SPAG16: variants seen among roughly 807,000 people sequenced by gnomAD.
SPAG16 encodes the protein sperm associated antigen 16.
Under a neutral mutation model 80.4 loss-of-function variants are expected in SPAG16, and 86 were observed. The observed-to-expected ratio is 1.07, with a 90% confidence interval of 0.90 to 1.28. The LOEUF is 1.28. Ranked by LOEUF, SPAG16 falls within the 50% of genes most tolerant of loss-of-function variation. The pLI, the probability that SPAG16 is intolerant of heterozygous loss-of-function variation, is 0.00. For synonymous variants in SPAG16, 294 were observed against 265.9 expected, an observed-to-expected ratio of 1.11 and a Z score of -1.03; for missense variants, 870 against 765.3, an observed-to-expected ratio of 1.14 and a Z score of -1.61.
intron 11 of SPAG16, among the ~76,000 whole-genome samples, chr2:213,908,264 G>T (rs561227580): frequency 1.3e-5 from 2 of 152,156 alleles, no homozygotes; most frequent in Admixed American, 6.6e-5. Context: ...CTGGCACAAG[G>T]CATGGGAGAC....
chr2:213,721,351 G>A (rs760419852), intron 10 of SPAG16, among the ~76,000 whole-genome samples: 2 of 149,710 alleles, frequency 1.3e-5, no homozygotes, highest in Non-Finnish European at 3.0e-5. Context: ...TGCACACTTC[G>A]GCCTCCCAAA....
intron 15 of SPAG16, among the ~76,000 whole-genome samples, chr2:214,349,893 A>T (rs2126046448): frequency 1.3e-5 from 2 of 152,306 alleles, no homozygotes; most frequent in East Asian, 3.9e-4. Context: ...AAGTGTCTGC[A>T]CCAATATTTT....
intron 10 of SPAG16, among the ~76,000 whole-genome samples, chr2:213,589,575 C>A (rs2060605810): frequency 1.3e-5 from 2 of 152,044 alleles, no homozygotes; most frequent in South Asian, 4.1e-4. Context: ...GGGTAGGGCC[C>A]ACTCCCATCA....
chr2:213,665,342 T>C (rs1324058956), intron 10 of SPAG16, among the ~76,000 whole-genome samples: 1 of 152,098 alleles, frequency 6.6e-6, no homozygotes, highest in East Asian at 1.9e-4. Flanking sequence ...TTAATAGCTA[T>C]TATGATATTA....
chr2:213,748,982 A>T (rs958562985), intron 10 of SPAG16, among the ~76,000 whole-genome samples: 9 of 152,196 alleles, frequency 5.9e-5, no homozygotes, highest in African/African-American at 2.2e-4. Flanking sequence ...CCCTGTCTCT[A>T]TTAAAAATAC....
At chr2:213,330,994 C>T (rs2124862442) in intron 5 of SPAG16, among the ~76,000 whole-genome samples, 1 of 152,300 alleles carries the variant, frequency 6.6e-6, no homozygotes, top group East Asian at 1.9e-4. Context: ...GCCTCCCCTG[C>T]CATGTGGAAC....
chr2:213,839,138 T>A (rs2074243850), intron 10 of SPAG16, among the ~76,000 whole-genome samples: 1 of 152,238 alleles, frequency 6.6e-6, no homozygotes, highest in Admixed American at 6.5e-5. Flanking sequence ...TTCTGTAAGA[T>A]GGATTTGTTA....
At chr2:213,554,987 A>G (rs1186919842) in intron 10 of SPAG16, among the ~76,000 whole-genome samples, 1 of 152,108 alleles carries the variant, frequency 6.6e-6, no homozygotes, top group Non-Finnish European at 1.5e-5. Context: ...ATTCAGGTAC[A>G]AGAAGGTCCA....
chr2:213,829,864 A>G (rs1049020978), intron 10 of SPAG16, among the ~76,000 whole-genome samples: 1 of 151,926 alleles, frequency 6.6e-6, no homozygotes, highest in African/African-American at 2.4e-5. Flanking sequence ...TGCGGCTGAG[A>G]TGGTATCCAA....
At chr2:214,117,901 A>C (rs985224318) in intron 14 of SPAG16, among the ~76,000 whole-genome samples, 3 of 152,190 alleles carry the variant, frequency 2.0e-5, no homozygotes, top group African/African-American at 7.2e-5. Flanking sequence ...CATCATACTA[A>C]ATAGGGAAAA....
At chr2:213,678,067 C>G (rs1340935630) in intron 10 of SPAG16, among the ~76,000 whole-genome samples, 2 of 150,338 alleles carry the variant, frequency 1.3e-5, no homozygotes, top group African/African-American at 4.9e-5. Flanking sequence ...TCTTTGAAAC[C>G]AAGGAGAACA....
At chr2:213,810,864 T>C (rs773289354) in intron 10 of SPAG16, among the ~76,000 whole-genome samples, 3 of 152,148 alleles carry the variant, frequency 2.0e-5, no homozygotes, top group Non-Finnish European at 4.4e-5. Context: ...AGATAATATT[T>C]CAAAGTTGTG....
chr2:213,451,226 CA>C (rs2071668804), intron 9 of SPAG16, among the ~76,000 whole-genome samples: 1 of 152,080 alleles, frequency 6.6e-6, no homozygotes, highest in Admixed American at 6.5e-5. Flanking sequence ...ATTTCAAAAA[CA>C]AAAAACAACA....
In SPAG16 at chr2:213,618,774, G is replaced by A. The variant is rs902935091; in HGVS notation, c.1070+128684G>A. On this transcript the variant is annotated intron_variant, in intron 10 of 15. Transcript: ENST00000331683. ...TTAAAAAAAGGAAAAGTCACAAGGTGGATTAGGTTGCTAGACCTTAAAACA... is the reference window on the plus strand; with the variant it reads ...TTAAAAAAAGGAAAAGTCACAAGGTAGATTAGGTTGCTAGACCTTAAAACA... 4.0e-5 allele frequency among the ~76,000 whole-genome samples: 6 copies of A among 151,516 alleles called. No individual in the cohort carries two copies. The East Asian group carries it at 7.7e-4, about 20-fold the overall frequency.
At chr2:214,099,334 T>C (rs957189087) in intron 13 of SPAG16, among the ~76,000 whole-genome samples, 1 of 152,140 alleles carries the variant, frequency 6.6e-6, no homozygotes, top group African/African-American at 2.4e-5. Flanking sequence ...ATTATGTTAA[T>C]TGCTTTACAT....
At chr2:214,184,085 C>A (rs1576443083) in intron 15 of SPAG16, among the ~76,000 whole-genome samples, 1 of 152,094 alleles carries the variant, frequency 6.6e-6, no homozygotes, top group East Asian at 1.9e-4. Context: ...AAAGAGTTGG[C>A]AAACCAGAGC....
intron 15 of SPAG16, among the ~76,000 whole-genome samples, chr2:214,317,435 G>A (rs1253207738): frequency 3.9e-5 from 6 of 152,100 alleles, no homozygotes; most frequent in African/African-American, 1.4e-4. Flanking sequence ...GCACAACCTT[G>A]GATCGTTCTC....
intron 10 of SPAG16, among the ~76,000 whole-genome samples, chr2:213,500,897 A>T (rs2074713298): frequency 6.6e-6 from 1 of 152,246 alleles, no homozygotes; most frequent in African/African-American, 2.4e-5. Context: ...CAATATCAGG[A>T]AAGGGATAAG....
rs2076455117 is a variant in SPAG16 at position 213,541,766 on chromosome 2, T to C, written c.1070+51676T>C. Among the ~76,000 whole-genome samples the C allele has an allele frequency of 2.0e-5, 3 of 152,242 alleles. No individual in the cohort carries two copies. The South Asian group carries it at 6.2e-4, about 31-fold the overall frequency. ...CTGAAAAGAAAGCAATAGTGGTTTGTTTCTCTTCTGCAAAAGCAGGTGGAT... is the reference window on the plus strand; with the variant it reads ...CTGAAAAGAAAGCAATAGTGGTTTGCTTCTCTTCTGCAAAAGCAGGTGGAT... On this transcript the variant is annotated intron_variant, in intron 10 of 15. Transcript: ENST00000331683.
Sources: gnomAD v4.1 joint callset for allele counts (sites outside exome capture counted in the v4.1 genomes callset) on GRCh38, gnomAD v4.1.1 for gene constraint, MANE v1.5 for transcripts, NCBI Gene and HGNC (gene_info 2026-07-23, HGNC 2026-07-21) for gene names.